DCP1A: variants seen among roughly 807,000 people sequenced by gnomAD.
The protein encoded by DCP1A is decapping mRNA 1A.
DCP1A carries 20 observed loss-of-function variants against 58.0 expected under a neutral mutation model. The observed-to-expected ratio is 0.34, with a 90% CI of 0.24 to 0.50. The LOEUF (loss-of-function observed/expected upper bound fraction) is 0.50, where lower values mean the gene tolerates loss of function less well. Among genes scored for constraint, DCP1A ranks in the 20% least tolerant of loss-of-function variants. DCP1A has a pLI of 0.98. For synonymous variants in DCP1A, 285 were observed against 275.1 expected (o/e 1.04, Z -0.36); for missense variants, 613 against 712.2 (o/e 0.86, Z 1.59).
At chr3:53,326,762 A>C (rs1708113858) in intron 3 of DCP1A, among the ~76,000 whole-genome samples, 1 of 152,216 alleles carries the variant, frequency 6.6e-6, no homozygotes, top group African/African-American at 2.4e-5. Context: ...CTGATTCTAC[A>C]TGATGGTGAG....
rs782696053 is a variant in DCP1A, at chr3:53,347,365, G to A, written c.135+18C>T. On this transcript the variant is annotated intron_variant, in intron 1 of 9. Coordinates refer to ENST00000610213, the MANE Select transcript of DCP1A (RefSeq NM_018403.7). Reference sequence around the variant, plus strand: ...GGCAGCGGCCGGGTGGCCGTCCTCAGGGCCAGGCGGCACTCACCCACTGGT... The same window carrying A: ...GGCAGCGGCCGGGTGGCCGTCCTCAAGGCCAGGCGGCACTCACCCACTGGT... 4.5e-6 allele frequency: 7 copies of A among 1,562,456 alleles called. No individual in the cohort carries two copies. In the South Asian group the frequency reaches 5.8e-5, roughly 13 times the overall value.
At chr3:53,337,239 C>A (rs1451814022) in intron 3 of DCP1A, among the ~76,000 whole-genome samples, 2 of 152,064 alleles carry the variant, frequency 1.3e-5, no homozygotes, top group Admixed American at 1.3e-4. Flanking sequence ...ATGGCCCCTA[C>A]AACATTTGAA....
intron 9 of DCP1A, 106 bp downstream of exon 9, chr3:53,287,959 G>T: frequency 8.5e-7 from 1 of 1,172,490 alleles, no homozygotes; most frequent in Non-Finnish European, 1.2e-6. Context: ...CTGGCCTCCA[G>T]CTAGTCTTTT....
rs1202520565 is a variant in DCP1A, at chr3:53,292,584, T to C, written c.868A>G (p.Thr290Ala). The C allele has an allele frequency of 1.2e-6, 2 of 1,613,338 alleles. No homozygotes were observed. Among genetic ancestry groups the C allele is most frequent in the Non-Finnish European group, 1.7e-6 (2 of 1,179,790 alleles). Residue 290 changes from threonine (T) to alanine (A), a missense_variant, in exon 7 of 10, where the codon ACC (threonine) becomes GCC (alanine). Physicochemically the swap from Thr to Ala is moderately conservative, Grantham distance 58 (BLOSUM62 0). This residue lies in a region of DCP1A where 498 missense variants were observed against 556.7 expected (regional missense o/e 0.89). Coordinates refer to ENST00000610213, the MANE Select transcript of DCP1A (RefSeq NM_018403.7). ...AHHSVQPEIT[T>A]PVLITPASIT... ...GAGGCTGGAGTGATTAGCACCGGGG[T>C]GGTGATTTCAGGCTGGACTGAATGG...
At position 53,287,538 on chromosome 3, in the gene DCP1A, C is replaced by T. The variant is rs374749626; in HGVS notation, c.*42G>A. 5.0e-6 allele frequency: 7 copies of T among 1,398,098 alleles called. No individual in the cohort carries two copies. The East Asian group carries it at 1.4e-4, about 27-fold the overall frequency. The allele number at this position is 1,398,098 out of a possible 1,614,324, so 86.6% of individuals were successfully genotyped here. A position where few individuals can be genotyped will look rare whatever the true frequency, so the allele number is the denominator to read the frequency against. ...AGTTTCCATGATGAAGCCTATTTGT[C>T]TCTGAGGCTGGGGCTCTGCCTTTAG... On this transcript the variant is annotated 3_prime_UTR_variant, in exon 10 of 10. Coordinates refer to ENST00000610213, the MANE Select transcript of DCP1A (RefSeq NM_018403.7).
Position 53,289,935 on chromosome 3 carries a change from AT to A in DCP1A, c.1449+855del, listed in dbSNP as rs1553685737. Among the ~76,000 whole-genome samples the A allele has an allele frequency of 2.0e-5, 3 of 152,232 alleles. No individual in the cohort carries two copies. The East Asian group carries it at 5.8e-4, about 29-fold the overall frequency. On this transcript the variant is annotated intron_variant, in intron 8 of 9. Transcript: ENST00000610213. The stretch of plus-strand genomic sequence containing the variant: ...TGAGCTATTTACCTTTTATTTATTT[AT>A]TTTTGGTGCAAAAGCAGGCTGAGAT...
intron 4 of DCP1A, among the ~76,000 whole-genome samples, chr3:53,314,935 G>A (rs1483437344): frequency 6.6e-6 from 1 of 151,938 alleles, no homozygotes; most frequent in African/African-American, 2.4e-5. Flanking sequence ...GCCTCCCAAA[G>A]TGCTGGGATT....
intron 4 of DCP1A, among the ~76,000 whole-genome samples, chr3:53,315,534 CAAAAA>C (rs1211486616): frequency 1.5e-5 from 1 of 64,988 alleles, no homozygotes. Flanking sequence ...GACTCTGTCT[CAAAAA>C]AAAAAAAAAA....
At chr3:53,302,611 T>C (rs1707344747) in intron 6 of DCP1A, among the ~76,000 whole-genome samples, 1 of 152,148 alleles carries the variant, frequency 6.6e-6, no homozygotes, top group Non-Finnish European at 1.5e-5. Flanking sequence ...GGAAGGGTTG[T>C]TTTATTTTAT....
chr3:53,317,632 C>T (rs1553689399), intron 4 of DCP1A, among the ~76,000 whole-genome samples: 1 of 152,120 alleles, frequency 6.6e-6, no homozygotes, highest in Non-Finnish European at 1.5e-5. Context: ...AGGAGGATCC[C>T]TTAAGCCCAG....
intron 5 of DCP1A, among the ~76,000 whole-genome samples, chr3:53,310,564 A>C (rs1707615337): frequency 6.6e-6 from 1 of 152,258 alleles, no homozygotes. Context: ...CAAACAGAAC[A>C]AAGTATGTAC....
intron 3 of DCP1A, 78 bp from the exon 4 acceptor site, chr3:53,319,551 T>A (rs1553689679): frequency 2.3e-6 from 2 of 862,818 alleles, no homozygotes; most frequent in East Asian, 5.4e-5. Context: ...TATATTATCA[T>A]CATGGAATTC....
chr3:53,303,150 T>C (rs1467262284), intron 6 of DCP1A, among the ~76,000 whole-genome samples: 2 of 147,756 alleles, frequency 1.4e-5, no homozygotes, highest in Admixed American at 1.3e-4. Context: ...GGGGTCTCAC[T>C]ATGCTGCCCA....
At chr3:53,288,885 C>T (rs562690369) in intron 8 of DCP1A, among the ~76,000 whole-genome samples, 44 of 152,160 alleles carry the variant, frequency 2.9e-4, no homozygotes, top group Middle Eastern at 3.4e-3. Flanking sequence ...GGCATGGTGG[C>T]GTGTGCCTGT....
In DCP1A at chr3:53,292,120, T is replaced by C; in HGVS notation, c.1332A>G (p.Ala444=). 6.2e-6 allele frequency: 10 copies of C among 1,612,878 alleles called. No homozygotes were observed. Among genetic ancestry groups the C allele is most frequent in the Non-Finnish European group, 8.5e-6 (10 of 1,179,426 alleles). The change falls in exon 7 of 10, where the codon GCA becomes GCG. Residue 444 remains alanine, a synonymous_variant. Coordinates refer to ENST00000610213, the MANE Select transcript of DCP1A (RefSeq NM_018403.7). Reference sequence around the variant, plus strand: ...TCAGGGAGGCTGAGGCCGCCACTCTTGCTGCTGCTGTCTTAGAGGGAGGCT... The same window carrying C: ...TCAGGGAGGCTGAGGCCGCCACTCTCGCTGCTGCTGTCTTAGAGGGAGGCT... The part of the protein sequence containing the change: ...FIEPPSKTAA[A]RVAASASLSN...
At position 53,286,764 on chromosome 3, in the gene DCP1A, G is replaced by A. The variant is rs1424486483; in HGVS notation, c.*816C>T. The A allele has an allele frequency of 1.3e-5, 2 of 152,188 alleles. No individual in the cohort carries two copies. Among genetic ancestry groups the A allele is most frequent in the African/African-American group, 4.8e-5 (2 of 41,432 alleles). 9.4% of individuals were successfully genotyped at this position (152,188 alleles called of 1,614,324 possible). ...CAACAATGACAGAAAAGGAAAATAA[G>A]GCTGTGCTTCACACACAAACTTAGC... On this transcript the variant is annotated 3_prime_UTR_variant, in exon 10 of 10. Coordinates refer to ENST00000610213, the MANE Select transcript of DCP1A (RefSeq NM_018403.7).
rs782352848 is a variant in DCP1A at position 53,292,206 on chromosome 3, C to A, written c.1246G>T (p.Ala416Ser). The change falls in exon 7 of 10, where the codon GCA becomes TCA. Residue 416 changes from alanine (A) to serine (S), a missense_variant. By Grantham distance (99) the Ala-to-Ser change is moderately conservative. Coordinates refer to ENST00000610213, the MANE Select transcript of DCP1A (RefSeq NM_018403.7). ...QIQTQPLGKGAMVASFSPAAG... is the reference protein window; with the variant it reads ...QIQTQPLGKGSMVASFSPAAG... ...GCCGGAGAAAAGCTGGCTACCATTG[C>A]ACCTTTCCCAAGTGGTTGTGTCTGT... 1.9e-5 allele frequency: 30 copies of A among 1,613,884 alleles called. 1 individual carries two copies. The South Asian group carries it at 3.2e-4, about 17-fold the overall frequency.
intron 6 of DCP1A, 52 bp downstream of exon 6, chr3:53,304,125 G>A (rs782685317): frequency 7.3e-7 from 1 of 1,368,394 alleles, no homozygotes; most frequent in Admixed American, 1.9e-5. Context: ...AATCCTTACT[G>A]AATGTTACTC....
At chr3:53,299,916 G>A (rs1354001400) in intron 6 of DCP1A, among the ~76,000 whole-genome samples, 4 of 152,194 alleles carry the variant, frequency 2.6e-5, no homozygotes, top group African/African-American at 9.7e-5. Context: ...CGCCCAGGCT[G>A]GAGTGTGGTG....
Sources: allele counts gnomAD v4.1 joint callset (sites outside exome capture counted in the v4.1 genomes callset), GRCh38; gene constraint gnomAD v4.1.1; regional missense constraint gnomAD v4.1.1; transcripts MANE v1.5; gene names NCBI Gene and HGNC (gene_info 2026-07-23, HGNC 2026-07-21).